LHFPL6: variants seen among roughly 807,000 people sequenced by gnomAD.
LHFPL6 encodes LHFPL tetraspan subfamily member 6, also known as LHFPL tetraspan subfamily member 6 protein.
In LHFPL6, 9 loss-of-function variants were observed where a neutral mutation model predicts 20.6. That is an observed-to-expected ratio of 0.44 (90% CI 0.26 to 0.76). LHFPL6 has a LOEUF of 0.76. Among genes scored for constraint, LHFPL6 ranks in the 30% least tolerant of loss-of-function variants. The pLI is 0.20. For synonymous variants in LHFPL6, 105 were observed against 98.7 expected, an observed-to-expected ratio of 1.06 and a Z score of -0.38; for missense variants, 218 against 253.5, an observed-to-expected ratio of 0.86 and a Z score of 0.95.
At chr13:39,581,073 A>C (rs1405361581) in intron 2 of LHFPL6, among the ~76,000 whole-genome samples, 1 of 152,210 alleles carries the variant, frequency 6.6e-6, no homozygotes, top group Non-Finnish European at 1.5e-5. Flanking sequence ...TGGGGGGAAA[A>C]TGTTATTCTA....
chr13:39,480,079 C>T (rs940644800), intron 2 of LHFPL6, among the ~76,000 whole-genome samples: 9 of 152,088 alleles, frequency 5.9e-5, no homozygotes, highest in Non-Finnish European at 8.8e-5. Flanking sequence ...GAAAACATAC[C>T]ACCCATAACA....
At chr13:39,525,063 T>C (rs1870244625) in intron 2 of LHFPL6, among the ~76,000 whole-genome samples, 1 of 151,942 alleles carries the variant, frequency 6.6e-6, no homozygotes, top group Non-Finnish European at 1.5e-5. Flanking sequence ...AAAAGAAAAA[T>C]GTATTTGAGG....
chr13:39,564,748 C>G (rs1871656614), intron 2 of LHFPL6, among the ~76,000 whole-genome samples: 1 of 152,146 alleles, frequency 6.6e-6, no homozygotes, highest in Admixed American at 6.5e-5. Context: ...ATTTAAGTAG[C>G]CTTTTATGTA....
chr13:39,348,401 G>A (rs1265015930), intron 3 of LHFPL6, among the ~76,000 whole-genome samples: 2 of 152,166 alleles, frequency 1.3e-5, no homozygotes, highest in Admixed American at 6.5e-5. Context: ...TACTTGTACT[G>A]GAGTGTGCAC....
chr13:39,424,725 A>T (rs1340649942), intron 2 of LHFPL6, among the ~76,000 whole-genome samples: 1 of 152,142 alleles, frequency 6.6e-6, no homozygotes. Flanking sequence ...GAGATCTGGA[A>T]TCTCTGTGGC....
chr13:39,363,959 T>C (rs966916409), intron 3 of LHFPL6, among the ~76,000 whole-genome samples: 1 of 152,228 alleles, frequency 6.6e-6, no homozygotes, highest in Admixed American at 6.5e-5. Flanking sequence ...GGTGATTTTG[T>C]CATTGTGCAA....
At chr13:39,348,022 A>G (rs1461659325) in intron 3 of LHFPL6, among the ~76,000 whole-genome samples, 1 of 152,274 alleles carries the variant, frequency 6.6e-6, no homozygotes, top group South Asian at 2.1e-4. Flanking sequence ...ATGTGACAGT[A>G]GACACATTTA....
intron 3 of LHFPL6, among the ~76,000 whole-genome samples, chr13:39,376,040 A>G (rs767139039): frequency 6.6e-6 from 1 of 152,334 alleles, no homozygotes; most frequent in Admixed American, 6.5e-5. Context: ...GTATTTTTCA[A>G]CGTTTAGTTT....
intron 2 of LHFPL6, among the ~76,000 whole-genome samples, chr13:39,422,584 C>T (rs1266860836): frequency 4.6e-5 from 1 of 21,596 alleles, no homozygotes; most frequent in Non-Finnish European, 1.2e-4. Flanking sequence ...GAAACTCCAA[C>T]TCAAAAAAAA....
At chr13:39,544,362 G>T (rs4545673) in intron 2 of LHFPL6, among the ~76,000 whole-genome samples, 119,415 of 152,178 alleles carry the variant, frequency 0.78, 47,237 homozygotes, top group Middle Eastern at 0.88. Flanking sequence ...TTTCTAGCTC[G>T]TACAATGCTA....
chr13:39,410,699 T>C (rs928347828), intron 2 of LHFPL6, among the ~76,000 whole-genome samples: 9 of 152,214 alleles, frequency 5.9e-5, no homozygotes, highest in Admixed American at 5.9e-4. Flanking sequence ...TCCAGGAGTA[T>C]TTTGTACAAA....
In LHFPL6 at chr13:39,503,064, T is replaced by C. The variant is rs933517703; in HGVS notation, c.385+97768A>G. Among the ~76,000 whole-genome samples, 5 of 152,086 alleles carry C rather than the reference T, an allele frequency of 3.3e-5. No homozygotes were observed. The South Asian group carries it at 8.3e-4, about 25-fold the overall frequency. On this transcript the variant is annotated intron_variant, in intron 2 of 3. Coordinates refer to ENST00000379589, the MANE Select transcript of LHFPL6 (RefSeq NM_005780.3). ...CAAGCCACCACACCTAGCCAATAAA[T>C]GCATTTTCAATTACAATCCATACAT...
chr13:39,587,406 G>A (rs1332333037), intron 2 of LHFPL6, among the ~76,000 whole-genome samples: 1 of 152,080 alleles, frequency 6.6e-6, no homozygotes. Flanking sequence ...CACCTCTGCT[G>A]TGACGCCTTG....
At chr13:39,531,863 T>C (rs1244288885) in intron 2 of LHFPL6, among the ~76,000 whole-genome samples, 1 of 152,032 alleles carries the variant, frequency 6.6e-6, no homozygotes, top group African/African-American at 2.4e-5. Context: ...GGGGAAAAGG[T>C]CACGTGATAT....
chr13:39,431,974 G>A (rs1326655882), intron 2 of LHFPL6, among the ~76,000 whole-genome samples: 3 of 152,012 alleles, frequency 2.0e-5, no homozygotes, highest in Non-Finnish European at 2.9e-5. Context: ...GTATTAAGAC[G>A]TGGGGCCTTT....
chr13:39,439,706 G>A (rs1872060838), intron 2 of LHFPL6, among the ~76,000 whole-genome samples: 1 of 152,090 alleles, frequency 6.6e-6, no homozygotes, highest in Admixed American at 6.5e-5. Context: ...ATGATAGTGA[G>A]TGAGTTCTCA....
intron 2 of LHFPL6, among the ~76,000 whole-genome samples, chr13:39,505,357 A>C (rs1225773846): frequency 6.6e-6 from 1 of 152,192 alleles, no homozygotes; most frequent in African/African-American, 2.4e-5. Context: ...CTGTCAACTC[A>C]AACATTCACT....
chr13:39,410,510 C>T (rs1021444298), intron 2 of LHFPL6, among the ~76,000 whole-genome samples: 1 of 152,182 alleles, frequency 6.6e-6, no homozygotes, highest in African/African-American at 2.4e-5. Flanking sequence ...TAAACACATA[C>T]TTCAAATATC....
At chr13:39,480,108 C>T (rs1214005567) in intron 2 of LHFPL6, among the ~76,000 whole-genome samples, 1 of 152,062 alleles carries the variant, frequency 6.6e-6, no homozygotes, top group East Asian at 1.9e-4. Context: ...ATGAATAACC[C>T]CCATTAATAT....
Sources: gnomAD v4.1 joint callset for allele counts (sites outside exome capture counted in the v4.1 genomes callset) on GRCh38, gnomAD v4.1.1 for gene constraint, MANE v1.5 for transcripts, NCBI Gene and HGNC (gene_info 2026-07-23, HGNC 2026-07-21) for gene names.